Variants in PGM2L1 observed in about 807,000 individuals in gnomAD.
The protein encoded by PGM2L1 is glucose 1,6-bisphosphate synthase.
PGM2L1 carries 35 observed loss-of-function variants against 73.4 expected under a neutral mutation model. That is an observed-to-expected ratio of 0.48 (90% CI 0.36 to 0.63). The LOEUF (loss-of-function observed/expected upper bound fraction) is 0.63. PGM2L1 is among the 30% of genes least tolerant of loss of function. The pLI is 0.00. For missense variants in PGM2L1, 570 were observed against 742.0 expected (o/e 0.77, Z 2.69); for synonymous variants, 225 against 253.8 (o/e 0.89, Z 1.08).
At chr11:74,365,701 G>A (rs1565441165) in intron 5 of PGM2L1, among the ~76,000 whole-genome samples, 1 of 152,190 alleles carries the variant, frequency 6.6e-6, no homozygotes, top group East Asian at 1.9e-4. Context: ...TCATTAAAAA[G>A]TCAGGAAACA....
intron 13 of PGM2L1, among the ~76,000 whole-genome samples, chr11:74,337,732 T>C (rs973422079): frequency 6.6e-6 from 1 of 152,220 alleles, no homozygotes; most frequent in African/African-American, 2.4e-5. Flanking sequence ...AATTTCCTTA[T>C]GTTAATCACA....
At chr11:74,380,416 T>A (rs1862923609) in intron 1 of PGM2L1, among the ~76,000 whole-genome samples, 1 of 152,124 alleles carries the variant, frequency 6.6e-6, no homozygotes, top group Non-Finnish European at 1.5e-5. Context: ...TTTCCTTATC[T>A]TTAAAAAATT....
chr11:74,376,855 C>CA (rs1197378668), intron 1 of PGM2L1, among the ~76,000 whole-genome samples: 1 of 151,690 alleles, frequency 6.6e-6, no homozygotes, highest in South Asian at 2.1e-4. Flanking sequence ...ATTTGTATGG[C>CA]AAAAAAAGCT....
chr11:74,342,960 A>G lies in PGM2L1; in HGVS notation c.1367T>C (p.Val456Ala), dbSNP rs760894059. 9 of 1,611,446 alleles carry G rather than the reference A, an allele frequency of 5.6e-6. No homozygotes were observed. The highest frequency in any genetic ancestry group is 7.6e-6 in the Non-Finnish European group (9 of 1,178,578). ...CAGGTAAGATGCCATCTCAGCAACC[A>G]CAACAGCTGCACTCACCCCATCTTT... is the stretch of plus-strand genomic sequence containing the variant. The part of the protein sequence containing the change: ...LDKDGVSAAV[V>A]VAEMASYLET... Residue 456 changes from valine to alanine, a missense_variant, in exon 11 of 14, where the codon GTG (valine) becomes GCG (alanine). Coordinates refer to ENST00000298198, the MANE Select transcript of PGM2L1 (RefSeq NM_173582.6).
chr11:74,397,454 C>A (rs1312112729), intron 1 of PGM2L1: 1 of 152,226 alleles, frequency 6.6e-6, no homozygotes, highest in African/African-American at 2.4e-5. Flanking sequence ...AAACACGATT[C>A]CTTGAACAGA....
In PGM2L1 at chr11:74,398,257, C is replaced by CA; in HGVS notation, c.-97dup. 1 of 1,460,210 alleles carries CA rather than the reference C, an allele frequency of 6.8e-7. No homozygotes were observed. The highest frequency in any genetic ancestry group is 9.1e-7 in the Non-Finnish European group (1 of 1,104,136). The allele number at this position is 1,460,210 out of a possible 1,614,324, so 90.5% of individuals were successfully genotyped here. On this transcript the variant is annotated 5_prime_UTR_variant, in exon 1 of 14. It removes the in-frame stop codon of an upstream open reading frame in the 5' UTR. Transcript: ENST00000298198. ...TCGCTCACCAGGGTCCAGGCGTCCC[C>CA]ACCTCACTGAAGGGCATCGGAGACC...
At chr11:74,360,318 G>T (rs1365561962) in intron 5 of PGM2L1, among the ~76,000 whole-genome samples, 1 of 151,710 alleles carries the variant, frequency 6.6e-6, no homozygotes, top group Admixed American at 6.6e-5. Flanking sequence ...GGGACGGAGG[G>T]AGGGAGGTAA....
chr11:74,343,565 A>G, intron 9 of PGM2L1, 149 bp from the exon 10 acceptor site: 1 of 1,212,572 alleles, frequency 8.2e-7, no homozygotes, highest in Non-Finnish European at 1.1e-6. Context: ...GCAGACATAT[A>G]GTAATGAAGG....
At chr11:74,377,636 T>C (rs1862877055) in intron 1 of PGM2L1, among the ~76,000 whole-genome samples, 1 of 152,180 alleles carries the variant, frequency 6.6e-6, no homozygotes, top group Non-Finnish European at 1.5e-5. Flanking sequence ...GGGTTTCAAG[T>C]AGAAAAGTGA....
intron 6 of PGM2L1, 78 bp downstream of exon 6, chr11:74,351,305 A>C (rs1862348732): frequency 1.5e-6 from 2 of 1,318,792 alleles, no homozygotes; most frequent in Non-Finnish European, 2.1e-6. Context: ...AATAGACAAC[A>C]CTTTTTATCA....
At chr11:74,349,176 C>T (rs1862312323) in intron 6 of PGM2L1, among the ~76,000 whole-genome samples, 1 of 152,024 alleles carries the variant, frequency 6.6e-6, no homozygotes, top group Non-Finnish European at 1.5e-5. Context: ...TTGATTAGCC[C>T]TAAAATTCAG....
At chr11:74,363,187 C>T (rs1448432513) in intron 5 of PGM2L1, among the ~76,000 whole-genome samples, 2 of 152,042 alleles carry the variant, frequency 1.3e-5, no homozygotes, top group African/African-American at 4.8e-5. Flanking sequence ...TCTTTGAAAC[C>T]AAATGAGAAC....
chr11:74,392,410 T>G (rs1863115691), intron 1 of PGM2L1, among the ~76,000 whole-genome samples: 1 of 152,108 alleles, frequency 6.6e-6, no homozygotes, highest in Non-Finnish European at 1.5e-5. Context: ...GTACTAAATT[T>G]CTTGGACAGA....
chr11:74,375,551 C>A (rs988245368), intron 1 of PGM2L1, among the ~76,000 whole-genome samples: 119 of 152,152 alleles, frequency 7.8e-4, no homozygotes, highest in African/African-American at 2.7e-3. Context: ...ATAGTATATA[C>A]AATGATAATG....
chr11:74,364,393 G>T (rs150705252), intron 5 of PGM2L1, among the ~76,000 whole-genome samples: 3 of 151,878 alleles, frequency 2.0e-5, no homozygotes, highest in East Asian at 1.9e-4. Flanking sequence ...AGAAATAAAG[G>T]GTATTCAGTT....
intron 1 of PGM2L1, among the ~76,000 whole-genome samples, chr11:74,382,759 A>G (rs944212872): frequency 1.8e-4 from 27 of 152,146 alleles, no homozygotes; most frequent in African/African-American, 5.3e-4. Flanking sequence ...TCAACCTCCC[A>G]AAGTGCTGAG....
rs1862421994 is a variant in PGM2L1 at position 74,355,066 on chromosome 11, G to A, written c.556-3490C>T. 3 of 1,305,044 alleles carry A rather than the reference G, an allele frequency of 2.3e-6. No homozygotes were observed. The South Asian group carries it at 3.5e-5, about 15-fold the overall frequency. 80.8% of individuals were successfully genotyped at this position (1,305,044 alleles called of 1,614,324 possible). A position where few individuals can be genotyped will look rare whatever the true frequency, so the allele number is the denominator to read the frequency against. On this transcript the variant is annotated intron_variant, in intron 5 of 13. Coordinates refer to ENST00000298198, the MANE Select transcript of PGM2L1 (RefSeq NM_173582.6). ...TCTGGAAACTTTGGTGGTGGTCGTGGAGGTGGTTTTGGTGGGAAGGACAAC... is the reference window on the plus strand; with the variant it reads ...TCTGGAAACTTTGGTGGTGGTCGTGAAGGTGGTTTTGGTGGGAAGGACAAC...
intron 5 of PGM2L1, among the ~76,000 whole-genome samples, chr11:74,366,008 T>C (rs1862649976): frequency 6.6e-6 from 1 of 152,154 alleles, no homozygotes; most frequent in South Asian, 2.1e-4. Flanking sequence ...GTGGCACATA[T>C]ACACCATGGA....
In PGM2L1 at chr11:74,353,412, T is replaced by C. The variant is rs546084205; in HGVS notation, c.556-1836A>G. ...GGGATTTGGCAGGGTCATAGGACAATAGTGGAGGGAAGGTCAGCAGATAAA... is the reference window on the plus strand; with the variant it reads ...GGGATTTGGCAGGGTCATAGGACAACAGTGGAGGGAAGGTCAGCAGATAAA... On this transcript the variant is annotated intron_variant, in intron 5 of 13. Coordinates refer to ENST00000298198, the MANE Select transcript of PGM2L1 (RefSeq NM_173582.6). 4.6e-5 allele frequency among the ~76,000 whole-genome samples: 7 copies of C among 151,774 alleles called. No individual in the cohort carries two copies. In the South Asian group the frequency reaches 1.5e-3, roughly 32 times the overall value.
Sources: gnomAD v4.1 joint callset for allele counts (sites outside exome capture counted in the v4.1 genomes callset) on GRCh38, gnomAD v4.1.1 for gene constraint, MANE v1.5 for transcripts, NCBI Gene and HGNC (gene_info 2026-07-23, HGNC 2026-07-21) for gene names.